TULP4: variants seen among roughly 807,000 people sequenced by gnomAD.
TULP4 encodes tubby-related protein 4.
A neutral mutation model predicts 129.0 loss-of-function variants in TULP4; 16 were observed. That is an observed-to-expected ratio of 0.12 (90% CI 0.08 to 0.19). The LOEUF (loss-of-function observed/expected upper bound fraction) is 0.19. Ranked by LOEUF, TULP4 falls within the 10% of genes least tolerant of loss-of-function variation. The pLI is 1.00. For synonymous variants in TULP4, 998 were observed against 854.0 expected (o/e 1.17, Z -2.94); for missense variants, 1,842 against 2,059.1 (o/e 0.89, Z 2.04).
At chr6:158,460,987 T>G (rs922293580) in intron 5 of TULP4, among the ~76,000 whole-genome samples, 8 of 152,190 alleles carry the variant, frequency 5.3e-5, no homozygotes, top group African/African-American at 1.9e-4. Context: ...ACATGCTAAC[T>G]TTATTAGATC....
chr6:158,318,522 C>A (rs757591698), intron 1 of TULP4, among the ~76,000 whole-genome samples: 3 of 152,122 alleles, frequency 2.0e-5, no homozygotes, highest in Non-Finnish European at 4.4e-5. Context: ...ATCATTATTT[C>A]CATTTTATAG....
At chr6:158,494,728 CT>C in intron 10 of TULP4, 24 bp from the exon 11 acceptor site, 2 of 1,591,674 alleles carry the variant, frequency 1.3e-6, no homozygotes, top group Non-Finnish European at 1.7e-6. Context: ...TGTGATTCTT[CT>C]TTTTTCTTTT....
At chr6:158,320,763 G>A (rs1458597623) in intron 1 of TULP4, among the ~76,000 whole-genome samples, 1 of 152,146 alleles carries the variant, frequency 6.6e-6, no homozygotes, top group Non-Finnish European at 1.5e-5. Context: ...GAATAAGCAG[G>A]CAGCTATGTG....
rs1780743794 is a variant in TULP4 at position 158,511,688 on chromosome 6, G to A, written c.*4994G>A. 6.6e-6 allele frequency: 1 copy of A among 152,338 alleles called. No individual in the cohort carries two copies. The highest frequency in any genetic ancestry group is 1.5e-5 in the Non-Finnish European group (1 of 68,038). 9.4% of individuals were successfully genotyped at this position (152,338 alleles called of 1,614,324 possible). ...ATATTCTAGAAGGCATTAATGGTTT[G>A]CATTCAAAACGATGTGGTTTGTCCA... On this transcript the variant is annotated 3_prime_UTR_variant, in exon 14 of 14. Coordinates refer to ENST00000367097, the MANE Select transcript of TULP4 (RefSeq NM_020245.5).
At chr6:158,287,363 A>G (rs1207572361) in intron 1 of TULP4, among the ~76,000 whole-genome samples, 6 of 152,332 alleles carry the variant, frequency 3.9e-5, no homozygotes, top group African/African-American at 1.2e-4. Context: ...TTTTATTCCT[A>G]TGTAGGGTCA....
chr6:158,483,711 C>G (rs1489655797), intron 8 of TULP4, among the ~76,000 whole-genome samples: 2 of 152,024 alleles, frequency 1.3e-5, no homozygotes, highest in Non-Finnish European at 1.5e-5. Flanking sequence ...ATGCAAATCA[C>G]CTGGGATGCT....
At chr6:158,391,877 C>T (rs983436666) in intron 1 of TULP4, among the ~76,000 whole-genome samples, 16 of 152,194 alleles carry the variant, frequency 1.1e-4, no homozygotes, top group Admixed American at 7.2e-4. Context: ...AAGGAAGCCA[C>T]ACCAGAGCTG....
chr6:158,383,615 T>A (rs827977), intron 1 of TULP4, among the ~76,000 whole-genome samples: 1 of 152,000 alleles, frequency 6.6e-6, no homozygotes, highest in Non-Finnish European at 1.5e-5. Flanking sequence ...GAGTCCACAG[T>A]GATTGGGAGC....
intron 1 of TULP4, among the ~76,000 whole-genome samples, chr6:158,329,889 C>G (rs996751849): frequency 6.6e-6 from 1 of 152,044 alleles, no homozygotes; most frequent in East Asian, 1.9e-4. Context: ...CTGAAATTTT[C>G]CCCTAGTAAT....
intron 1 of TULP4, among the ~76,000 whole-genome samples, chr6:158,296,548 G>A (rs576506533): frequency 6.6e-6 from 1 of 152,110 alleles, no homozygotes; most frequent in East Asian, 1.9e-4. Context: ...ACTGATAAGG[G>A]TCTAACAAAG....
chr6:158,348,795 G>A (rs1449093465), intron 1 of TULP4, among the ~76,000 whole-genome samples: 1 of 62,146 alleles, frequency 1.6e-5, no homozygotes, highest in Admixed American at 1.9e-4. Context: ...TTCCTATACG[G>A]GGCGGCCGGG....
chr6:158,440,399 C>A lies in TULP4; in HGVS notation c.544-8597C>A, dbSNP rs569836909. On this transcript the variant is annotated intron_variant, in intron 3 of 13. Transcript: ENST00000367097. Reference sequence around the variant, plus strand: ...TCAGCTTCTACACTGGAAACCCTTACTGGTGACTGGTGAGTGTGCTGTAAG... The same window carrying A: ...TCAGCTTCTACACTGGAAACCCTTAATGGTGACTGGTGAGTGTGCTGTAAG... Among the ~76,000 whole-genome samples, 5 of 151,004 alleles carry A rather than the reference C, an allele frequency of 3.3e-5. No homozygotes were observed. In the East Asian group the frequency reaches 9.8e-4, roughly 30 times the overall value.
In TULP4 at chr6:158,502,830, C is replaced by A. The variant is rs764840174; in HGVS notation, c.3167C>A (p.Thr1056Asn). The change falls in exon 13 of 14, where the codon ACC (threonine) becomes AAC (asparagine). Residue 1056 changes from threonine to asparagine, a missense_variant. Around this residue, in one of 5 missense-constraint regions of TULP4, gnomAD observed 1,089 missense variants for 987.1 expected, o/e 1.10. Transcript: ENST00000367097. ...CAGCCCGGAGCCTCCCTGGCCCATACCGCCAGCGCCTCCCCGTTGGCCTCC... is the reference window on the plus strand; with the variant it reads ...CAGCCCGGAGCCTCCCTGGCCCATAACGCCAGCGCCTCCCCGTTGGCCTCC... ...SSQPGASLAH[T>N]ASASPLASQS... The A allele has an allele frequency of 4.3e-6, 7 of 1,613,016 alleles. No individual in the cohort carries two copies. Among genetic ancestry groups the A allele is most frequent in the Non-Finnish European group, 5.1e-6 (6 of 1,179,914 alleles).
intron 1 of TULP4, among the ~76,000 whole-genome samples, chr6:158,394,786 CAAAAAAAAAAAA>C (rs71030166): frequency 3.0e-4 from 14 of 46,018 alleles, no homozygotes; most frequent in South Asian, 1.6e-3. Flanking sequence ...GGCTCTGTCT[CAAAAAAAAAAAA>C]AAAAAAAAAA....
At chr6:158,363,728 C>T (rs1198089219) in intron 1 of TULP4, among the ~76,000 whole-genome samples, 2 of 152,094 alleles carry the variant, frequency 1.3e-5, no homozygotes. Flanking sequence ...TCAGGTGATC[C>T]ACCCCCCCGG....
At chr6:158,381,902 A>G (rs1777334427) in intron 1 of TULP4, among the ~76,000 whole-genome samples, 1 of 152,154 alleles carries the variant, frequency 6.6e-6, no homozygotes, top group East Asian at 1.9e-4. Context: ...TGTGCAATGC[A>G]GTTGTTATTG....
intron 12 of TULP4, among the ~76,000 whole-genome samples, chr6:158,500,286 C>T (rs971861605): frequency 2.6e-5 from 4 of 152,144 alleles, no homozygotes; most frequent in East Asian, 1.9e-4. Context: ...TTCATACAGA[C>T]GAGAGAGCTT....
intron 6 of TULP4, among the ~76,000 whole-genome samples, chr6:158,471,874 CTG>C (rs1779690336): frequency 6.6e-6 from 1 of 152,172 alleles, no homozygotes; most frequent in Non-Finnish European, 1.5e-5. Flanking sequence ...AACCTGTAGG[CTG>C]TGTCACATTT....
intron 1 of TULP4, among the ~76,000 whole-genome samples, chr6:158,383,166 C>G (rs965957415): frequency 2.0e-5 from 3 of 152,138 alleles, no homozygotes. Flanking sequence ...CATTAAGATG[C>G]GGGGCCTGGA....
Sources: allele counts gnomAD v4.1 joint callset (sites outside exome capture counted in the v4.1 genomes callset), GRCh38; gene constraint gnomAD v4.1.1; regional missense constraint gnomAD v4.1.1; transcripts MANE v1.5; gene names NCBI Gene and HGNC (gene_info 2026-07-23, HGNC 2026-07-21).